The following NYAP2 variants were observed in gnomAD, a reference collection of about 807,000 sequenced individuals.
The protein encoded by NYAP2 is neuronal tyrosine-phosphorylated phosphoinositide-3-kinase adapter 2.
A neutral mutation model predicts 50.4 loss-of-function variants in NYAP2; 23 were observed. The observed-to-expected ratio is 0.46, with a 90% CI of 0.33 to 0.65. The LOEUF is 0.65. Ranked by LOEUF, NYAP2 falls within the 30% of genes least tolerant of loss-of-function variation. NYAP2 has a pLI of 0.02. For synonymous variants in NYAP2, 394 were observed against 365.2 expected (o/e 1.08, Z -0.90); for missense variants, 885 against 861.0 (o/e 1.03, Z -0.35).
intron 3 of NYAP2, among the ~76,000 whole-genome samples, chr2:225,425,756 AC>A (rs1695277876): frequency 6.6e-6 from 1 of 152,246 alleles, no homozygotes; most frequent in African/African-American, 2.4e-5. Context: ...ATTTTATACA[AC>A]CACCAAGGGT....
chr2:225,470,279 C>A (rs559681502), intron 3 of NYAP2, among the ~76,000 whole-genome samples: 1 of 152,126 alleles, frequency 6.6e-6, no homozygotes, highest in Admixed American at 6.6e-5. Context: ...AAATCTTGCC[C>A]TTCTCTATTT....
chr2:225,677,504 G>C, the NYAP2 span, among the ~76,000 whole-genome samples: 81 of 151,822 alleles, frequency 5.3e-4, no homozygotes, highest in African/African-American at 1.8e-3. Context: ...CAAGGGGAGT[G>C]GTTCCAGCTT....
intron 4 of NYAP2, among the ~76,000 whole-genome samples, chr2:225,548,525 C>T (rs908347731): frequency 2.6e-5 from 4 of 151,944 alleles, no homozygotes; most frequent in African/African-American, 9.7e-5. Context: ...TGGAGGTTTA[C>T]TGGGGATGTC....
At chr2:225,693,495 G>A in the NYAP2 span, among the ~76,000 whole-genome samples, 1 of 151,992 alleles carries the variant, frequency 6.6e-6, no homozygotes, top group East Asian at 1.9e-4. Context: ...TCCGTTTGGG[G>A]TGCCAGAACA....
intron 2 of NYAP2, among the ~76,000 whole-genome samples, chr2:225,405,833 G>C (rs1559171466): frequency 6.6e-6 from 1 of 151,848 alleles, no homozygotes; most frequent in Non-Finnish European, 1.5e-5. Flanking sequence ...TTTGATTGGG[G>C]GAAGAATGTA....
In NYAP2 at chr2:225,633,085, T is replaced by C. The variant is rs189978286; in HGVS notation, c.1828+5959T>C. Among the ~76,000 whole-genome samples, 27 of 152,304 alleles carry C rather than the reference T, an allele frequency of 1.8e-4. No individual in the cohort carries two copies. In the East Asian group the frequency reaches 5.2e-3, roughly 29 times the overall value. ...ATCTTCTTAAAAATCATTATGATTA[T>C]CAATTGAGTGGAAAGAGAATATTCC... On this transcript the variant is annotated intron_variant, in intron 6 of 6. Transcript: ENST00000636099.
intron 5 of NYAP2, among the ~76,000 whole-genome samples, chr2:225,596,907 C>T (rs1333257096): frequency 6.6e-6 from 1 of 152,046 alleles, no homozygotes; most frequent in East Asian, 1.9e-4. Flanking sequence ...TGAATACAGT[C>T]CATTTGCAGG....
intron 5 of NYAP2, among the ~76,000 whole-genome samples, chr2:225,604,747 C>A (rs1692755470): frequency 6.6e-6 from 1 of 152,058 alleles, no homozygotes; most frequent in African/African-American, 2.4e-5. Context: ...CGACAAATTT[C>A]ATATTGGCCA....
At chr2:225,680,232 T>C in the NYAP2 span, among the ~76,000 whole-genome samples, 1 of 152,212 alleles carries the variant, frequency 6.6e-6, no homozygotes, top group Non-Finnish European at 1.5e-5. Flanking sequence ...GTCTCTCCCT[T>C]GCTAAGCAAG....
At chr2:225,492,254 T>C (rs925946595) in intron 3 of NYAP2, among the ~76,000 whole-genome samples, 1 of 152,218 alleles carries the variant, frequency 6.6e-6, no homozygotes, top group Non-Finnish European at 1.5e-5. Context: ...CAAGCCATCT[T>C]GTCAAGAAGT....
intron 6 of NYAP2, among the ~76,000 whole-genome samples, chr2:225,638,568 G>A (rs1020359205): frequency 4.6e-5 from 7 of 152,124 alleles, no homozygotes; most frequent in African/African-American, 1.2e-4. Context: ...CTCTCAGGAC[G>A]TGTTTCAAGG....
chr2:225,542,609 T>C (rs1020636681), intron 4 of NYAP2, among the ~76,000 whole-genome samples: 2 of 152,200 alleles, frequency 1.3e-5, no homozygotes, highest in Admixed American at 6.5e-5. Context: ...TTTGCCTCAA[T>C]GGGATAAATC....
intron 3 of NYAP2, among the ~76,000 whole-genome samples, chr2:225,461,494 A>G (rs372529915): frequency 7.9e-5 from 12 of 152,336 alleles, no homozygotes; most frequent in African/African-American, 2.9e-4. Flanking sequence ...TGGAAGACTG[A>G]GTGAGTTTGA....
At chr2:225,543,949 G>C (rs1574669065) in intron 4 of NYAP2, among the ~76,000 whole-genome samples, 1 of 151,980 alleles carries the variant, frequency 6.6e-6, no homozygotes, top group South Asian at 2.1e-4. Flanking sequence ...AGGATTAGGT[G>C]CATATGTATT....
chr2:225,499,138 C>G (rs1450875322), intron 3 of NYAP2, among the ~76,000 whole-genome samples: 1 of 152,024 alleles, frequency 6.6e-6, no homozygotes, highest in Non-Finnish European at 1.5e-5. Flanking sequence ...GTGGAAATAC[C>G]AAGTAGGACA....
chr2:225,492,204 G>T (rs1690420880), intron 3 of NYAP2, among the ~76,000 whole-genome samples: 1 of 152,198 alleles, frequency 6.6e-6, no homozygotes, highest in Non-Finnish European at 1.5e-5. Context: ...ATTGTAGGAA[G>T]CATCTATGTC....
intron 3 of NYAP2, among the ~76,000 whole-genome samples, chr2:225,452,839 G>C (rs756363305): frequency 6.6e-6 from 1 of 152,108 alleles, no homozygotes; most frequent in African/African-American, 2.4e-5. Flanking sequence ...TTTCAACCAC[G>C]GTGAGTGGTT....
chr2:225,656,634 G>A (rs1693831819), downstream of NYAP2, among the ~76,000 whole-genome samples: 1 of 152,130 alleles, frequency 6.6e-6, no homozygotes, highest in Admixed American at 6.5e-5. Context: ...TATCTAGAGT[G>A]TATTTCTGAA....
chr2:225,442,843 CT>C (rs778567235), intron 3 of NYAP2, among the ~76,000 whole-genome samples: 1 of 152,186 alleles, frequency 6.6e-6, no homozygotes, highest in Non-Finnish European at 1.5e-5. Context: ...CCACAAAGTG[CT>C]GAGATTATGG....
Sources: gnomAD v4.1 joint callset for allele counts (sites outside exome capture counted in the v4.1 genomes callset) on GRCh38, gnomAD v4.1.1 for gene constraint, MANE v1.5 for transcripts, NCBI Gene and HGNC (gene_info 2026-07-23, HGNC 2026-07-21) for gene names.